The following SFPQ variants were observed in gnomAD, a reference collection of about 807,000 sequenced individuals.
The protein encoded by SFPQ is splicing factor, proline- and glutamine-rich.
Under a neutral mutation model 72.9 loss-of-function variants are expected in SFPQ, and 11 were observed. The ratio of observed to expected loss-of-function variants is 0.15; its 90% CI spans 0.09 to 0.25. The LOEUF (loss-of-function observed/expected upper bound fraction) is 0.25, where lower values mean the gene tolerates loss of function less well. Ranked by LOEUF, SFPQ falls within the 10% of genes least tolerant of loss-of-function variation. SFPQ has a pLI of 1.00. For missense variants in SFPQ, 847 were observed against 993.3 expected (o/e 0.85, Z 1.98); for synonymous variants, 506 against 367.3 (o/e 1.38, Z -4.32).
downstream of SFPQ, chr1:35,179,398 G>T: frequency 1.9e-6 from 2 of 1,056,502 alleles, no homozygotes; most frequent in East Asian, 5.3e-5. Flanking sequence ...GAAAGCACCG[G>T]TATCTGTTCC....
chr1:35,188,532 AT>A (rs985153303), intron 6 of SFPQ, among the ~76,000 whole-genome samples: 1 of 152,226 alleles, frequency 6.6e-6, no homozygotes, highest in African/African-American at 2.4e-5. Context: ...AAATTAAAAA[AT>A]TAGCTGGGGG....
At chr1:35,177,212 T>C (rs1195568871) in intron 5 of SFPQ, 1 of 152,190 alleles carries the variant, frequency 6.6e-6, no homozygotes, top group Non-Finnish European at 1.5e-5. Flanking sequence ...CGAAACTCCA[T>C]CTCAAAAAAT....
intron 7 of SFPQ, among the ~76,000 whole-genome samples, chr1:35,187,626 G>A (rs1639783917): frequency 6.6e-6 from 1 of 151,944 alleles, no homozygotes; most frequent in Admixed American, 6.6e-5. Flanking sequence ...ACCTACTCAA[G>A]AGGCTGAGGC....
Position 35,183,416 on chromosome 1 carries a change from A to C in SFPQ, c.*1040T>G, listed in dbSNP as rs1639563463. The C allele has an allele frequency of 2.9e-6, 1 of 347,712 alleles. No homozygotes were observed. The highest frequency in any genetic ancestry group is 6.3e-5 in the Admixed American group (1 of 15,812). 21.5% of individuals were successfully genotyped at this position (347,712 alleles called of 1,614,324 possible). On this transcript the variant is annotated 3_prime_UTR_variant, in exon 10 of 10. Transcript: ENST00000357214. ...GTATTTTTAGTAGAGACGGGGTTTC[A>C]CCATGTTGGCCAGGCTGGTCTTGAA...
chr1:35,181,719 G>A (rs2148607691), downstream of SFPQ: 1 of 1,060,724 alleles, frequency 9.4e-7, no homozygotes, highest in Non-Finnish European at 1.1e-6. Context: ...TGAAAAAAAT[G>A]GCTAAAATAC....
intron 4 of SFPQ, 137 bp from the exon 5 acceptor site, chr1:35,189,519 A>T (rs1156252348): frequency 3.3e-6 from 2 of 608,204 alleles, no homozygotes; most frequent in East Asian, 5.5e-5. Context: ...TTCATCTATA[A>T]ATATCTTCAC....
Position 35,183,915 on chromosome 1 carries a change from AAC to A in SFPQ, c.*539_*540del. 9.5e-7 allele frequency: 1 copy of A among 1,051,166 alleles called. No homozygotes were observed. The highest frequency in any genetic ancestry group is 1.1e-6 in the Non-Finnish European group (1 of 870,230). 65.1% of individuals were successfully genotyped at this position (1,051,166 alleles called of 1,614,324 possible). A position where few individuals can be genotyped will look rare whatever the true frequency, so the allele number is the denominator to read the frequency against. On this transcript the variant is annotated 3_prime_UTR_variant, in exon 10 of 10. Transcript: ENST00000357214. ...GCACCAGCGTGCTTCCTATATGCCAAACAAATCATCAAACTACTTCAATATGC... is the reference window on the plus strand; with the variant it reads ...GCACCAGCGTGCTTCCTATATGCCAAAAATCATCAAACTACTTCAATATGC...
In SFPQ at chr1:35,190,843, G is replaced by C; in HGVS notation, c.1170C>G (p.Ala390=). Residue 390 remains alanine, a synonymous_variant, in exon 3 of 10, where the codon GCC becomes GCG. Coordinates refer to ENST00000357214, the MANE Select transcript of SFPQ (RefSeq NM_005066.3). ...PYVSNELLEE[A]FSQFGPIERA... is the part of the protein sequence containing the mutation. The stretch of plus-strand genomic sequence containing the variant: ...TTTCAATAGGACCAAATTGGCTAAA[G>C]GCTTCTTCCAACAGTTCATTGGAAA... 2.5e-6 allele frequency: 4 copies of C among 1,614,152 alleles called. No individual in the cohort carries two copies. The highest frequency in any genetic ancestry group is 3.4e-6 in the Non-Finnish European group (4 of 1,180,036).
intron 7 of SFPQ, among the ~76,000 whole-genome samples, 181 bp from the exon 8 acceptor site, chr1:35,187,432 C>CA (rs1205757253): frequency 6.6e-6 from 1 of 152,188 alleles, no homozygotes; most frequent in East Asian, 1.9e-4. Context: ...CAAAGACCTA[C>CA]AAAACTTCCT....
intron 4 of SFPQ, among the ~76,000 whole-genome samples, 186 bp downstream of exon 4, chr1:35,190,312 C>A (rs1439302379): frequency 3.3e-5 from 5 of 152,234 alleles, no homozygotes; most frequent in Non-Finnish European, 7.3e-5. Context: ...GTGAATGTAT[C>A]CACCTTAGAA....
chr1:35,187,936 G>A (rs368410970), intron 7 of SFPQ, 37 bp downstream of exon 7: 37 of 1,324,050 alleles, frequency 2.8e-5, no homozygotes, highest in Non-Finnish European at 3.6e-5. Flanking sequence ...AAGTTCTATA[G>A]ACAACTCCAA....
intron 9 of SFPQ, 59 bp downstream of exon 9, chr1:35,186,942 C>A: frequency 6.5e-7 from 1 of 1,530,902 alleles, no homozygotes. Flanking sequence ...ACAAAACAAA[C>A]ACACCTAAGT....
chr1:35,182,715 C>T (rs3738694), downstream of SFPQ: 47,289 of 985,256 alleles, frequency 0.048, 6,610 homozygotes, highest in East Asian at 0.65. Context: ...AAGAATTCTA[C>T]AATGTACAGA....
At chr1:35,178,833 TC>T (rs1019136312), downstream of SFPQ, 3 of 1,045,802 alleles carry the variant, frequency 2.9e-6, no homozygotes, top group South Asian at 4.6e-5. Context: ...TTTGCATTCT[TC>T]CCCCCATTCT....
At position 35,190,485 on chromosome 1, in the gene SFPQ, TAATC is replaced by T. The variant is rs149663065; in HGVS notation, c.1415+9_1415+12del. ...TGATTTAAAAACTGCCAAAAAAGTT[TAATC>T]AATCTTACTTTTGATACATTGGATT... On this transcript the variant is annotated intron_variant, in intron 4 of 9. Coordinates refer to ENST00000357214, the MANE Select transcript of SFPQ (RefSeq NM_005066.3). 0.02 allele frequency: 30,789 copies of T among 1,564,358 alleles called. 850 individuals carry two copies. The highest frequency in any genetic ancestry group is 0.094 in the East Asian group (4,199 of 44,614).
chr1:35,192,213 G>A lies in SFPQ; in HGVS notation c.828+9C>T. On this transcript the variant is annotated intron_variant, in intron 1 of 9. Coordinates refer to ENST00000357214, the MANE Select transcript of SFPQ (RefSeq NM_005066.3). ...GGGGAGCCGACGCGTCGCTCCCATA[G>A]ACACTCACCTCCGAGTCCGAGATCT... The A allele has an allele frequency of 6.9e-7, 1 of 1,449,938 alleles. No individual in the cohort carries two copies. The highest frequency in any genetic ancestry group is 9.0e-7 in the Non-Finnish European group (1 of 1,109,358). 89.8% of individuals were successfully genotyped at this position (1,449,938 alleles called of 1,614,324 possible).
chr1:35,182,737 C>T (rs1378313034), downstream of SFPQ: 11 of 985,238 alleles, frequency 1.1e-5, no homozygotes, highest in East Asian at 1.1e-4. Flanking sequence ...TTGAATGGAA[C>T]GTAACTCAGA....
chr1:35,189,455 T>C, intron 4 of SFPQ, 73 bp from the exon 5 acceptor site: 1 of 1,204,128 alleles, frequency 8.3e-7, no homozygotes. Context: ...CTAGTACTGA[T>C]CTTTTTCCTG....
downstream of SFPQ, chr1:35,179,433 A>T: frequency 9.5e-7 from 1 of 1,056,578 alleles, no homozygotes; most frequent in East Asian, 5.2e-5. Context: ...ACGAAAATAC[A>T]TTCTGGCATC....
Sources: gnomAD v4.1 joint callset for allele counts (sites outside exome capture counted in the v4.1 genomes callset) on GRCh38, gnomAD v4.1.1 for gene constraint, MANE v1.5 for transcripts, NCBI Gene and HGNC (gene_info 2026-07-23, HGNC 2026-07-21) for gene names.